The following PTHLH variants were observed in gnomAD, a reference collection of about 807,000 sequenced individuals.
The protein encoded by PTHLH is parathyroid hormone-related protein.
In PTHLH, 5 loss-of-function variants were observed where a neutral mutation model predicts 18.6. The observed-to-expected ratio is 0.27, with a 90% CI of 0.14 to 0.56. The LOEUF is 0.56. Ranked by LOEUF, PTHLH falls within the 20% of genes least tolerant of loss-of-function variation. The pLI is 0.92. For missense variants in PTHLH, 207 were observed against 223.9 expected (o/e 0.92, Z 0.48); for synonymous variants, 90 against 94.0 (o/e 0.96, Z 0.25).
intron 5 of PTHLH, among the ~76,000 whole-genome samples, chr12:27,959,886 C>T (rs139799359): frequency 6.6e-6 from 1 of 152,120 alleles, no homozygotes; most frequent in African/African-American, 2.4e-5. Flanking sequence ...ACTCAATAAT[C>T]TGCATTCTTT....
chr12:27,958,615 T>C lies in PTHLH; in HGVS notation c.525-47A>G, dbSNP rs573215722. On this transcript the variant is annotated intron_variant, in intron 5 of 5. Transcript: ENST00000545234. The stretch of plus-strand genomic sequence containing the variant: ...AGAAAAGGAGAAAACAGGTTAGTTT[T>C]CTTTACAAATGAAAACATAAAATAT... 1.1e-5 allele frequency: 16 copies of C among 1,522,678 alleles called. 1 individual carries two copies. In the South Asian group the frequency reaches 2.0e-4, roughly 19 times the overall value. 94.3% of individuals were successfully genotyped at this position (1,522,678 alleles called of 1,614,324 possible).
chr12:27,966,695 T>C (rs1209956978), intron 4 of PTHLH, among the ~76,000 whole-genome samples: 6 of 152,210 alleles, frequency 3.9e-5, no homozygotes, highest in African/African-American at 1.4e-4. Context: ...TTATGTATCA[T>C]GTTCTCCTTT....
At chr12:27,969,350 C>G (rs1469114507) in intron 4 of PTHLH, 44 bp downstream of exon 4, 1 of 1,525,688 alleles carries the variant, frequency 6.6e-7, no homozygotes, top group East Asian at 2.4e-5. Context: ...GCCCCTCCCC[C>G]TGGCCTCCCC....
chr12:27,961,951 T>C (rs755638234), intron 5 of PTHLH: 3 of 723,228 alleles, frequency 4.1e-6, no homozygotes, highest in East Asian at 2.5e-5. Flanking sequence ...TGATGTGTTC[T>C]TCTGTTGTTT....
intron 5 of PTHLH, among the ~76,000 whole-genome samples, chr12:27,959,684 C>T (rs1482747251): frequency 6.6e-6 from 1 of 152,148 alleles, no homozygotes; most frequent in Non-Finnish European, 1.5e-5. Context: ...TTCTATGCTG[C>T]TTACAGAAAA....
At position 27,970,158 on chromosome 12, in the gene PTHLH, G is replaced by T; in HGVS notation, c.-156C>A. The T allele has an allele frequency of 1.9e-6, 1 of 517,534 alleles. No homozygotes were observed. The highest frequency in any genetic ancestry group is 1.4e-5 in the South Asian group (1 of 71,580). The allele number at this position is 517,534 out of a possible 1,614,324, so 32.1% of individuals were successfully genotyped here. On this transcript the variant is annotated 5_prime_UTR_variant, in exon 3 of 6. In the 5' UTR this introduces an upstream ATG that the reference lacks. Transcript: ENST00000545234. The stretch of plus-strand genomic sequence containing the variant: ...GTCGTTAGTGGCAGCCGGAGCGGCA[G>T]GGAGGCGGCAGCCCCGCTTCACGGG...
intron 5 of PTHLH, among the ~76,000 whole-genome samples, chr12:27,961,361 C>T (rs1407595951): frequency 2.1e-5 from 2 of 93,938 alleles, no homozygotes; most frequent in Non-Finnish European, 4.6e-5. Flanking sequence ...ACATATCCCC[C>T]TAGATAGATA....
At chr12:27,961,964 C>CTTT in intron 5 of PTHLH, 2 of 546,946 alleles carry the variant, frequency 3.7e-6, no homozygotes, top group South Asian at 2.0e-5. Flanking sequence ...TGTTGTTTTC[C>CTTT]TTTTTTTTTT....
chr12:27,969,573 C>T, intron 3 of PTHLH, 57 bp from the exon 4 acceptor site: 1 of 1,349,420 alleles, frequency 7.4e-7, no homozygotes, highest in Non-Finnish European at 1.0e-6. Flanking sequence ...TCTCCCCGCA[C>T]TACTCCGCTC....
chr12:27,972,282 C>G (rs377272690), intron 1 of PTHLH, among the ~76,000 whole-genome samples: 3 of 152,160 alleles, frequency 2.0e-5, no homozygotes, highest in Non-Finnish European at 4.4e-5. Context: ...AAATTAAGGA[C>G]TGGCATCAAT....
At chr12:27,968,069 T>C (rs1268394574) in intron 4 of PTHLH, among the ~76,000 whole-genome samples, 1 of 152,224 alleles carries the variant, frequency 6.6e-6, no homozygotes, top group Non-Finnish European at 1.5e-5. Context: ...TTTCAAATTA[T>C]TGAATTTAAG....
At chr12:27,967,503 A>G (rs2062825725) in intron 4 of PTHLH, among the ~76,000 whole-genome samples, 1 of 152,242 alleles carries the variant, frequency 6.6e-6, no homozygotes, top group African/African-American at 2.4e-5. Context: ...GATTTAGCAT[A>G]ATGGTAGACT....
chr12:27,963,166 G>A, intron 5 of PTHLH, 182 bp downstream of exon 5: 2 of 1,488,072 alleles, frequency 1.3e-6, no homozygotes, highest in Non-Finnish European at 1.8e-6. Flanking sequence ...GGGTGTGTGT[G>A]GTAGGGGGGT....
At chr12:27,971,170 G>T (rs1187159346) in intron 2 of PTHLH, among the ~76,000 whole-genome samples, 1 of 151,940 alleles carries the variant, frequency 6.6e-6, no homozygotes, top group Non-Finnish European at 1.5e-5. Flanking sequence ...AAAGTCCCAG[G>T]TTACAGATTC....
At chr12:27,961,289 A>ATATATATATACG (rs1565520029) in intron 5 of PTHLH, among the ~76,000 whole-genome samples, 12 of 31,558 alleles carry the variant, frequency 3.8e-4, no homozygotes, top group African/African-American at 1.5e-3. Context: ...ATATATACGT[A>ATATATATATACG]TATATATATA....
intron 4 of PTHLH, among the ~76,000 whole-genome samples, chr12:27,967,774 C>T (rs904816892): frequency 7.9e-5 from 12 of 152,158 alleles, no homozygotes; most frequent in Admixed American, 4.6e-4. Flanking sequence ...ACAAACAAAA[C>T]TATAACAGTC....
chr12:27,971,532 C>G lies in PTHLH; in HGVS notation c.-266+395G>C, dbSNP rs956859656. On this transcript the variant is annotated intron_variant, in intron 2 of 5. Transcript: ENST00000545234. ...ATGATTCAAGGAATGTGGCCTTTAT[C>G]AAGCCCGACTTTCCGGGTGATGCTC... Among the ~76,000 whole-genome samples, 9 of 152,168 alleles carry G rather than the reference C, an allele frequency of 5.9e-5. No homozygotes were observed. The South Asian group carries it at 1.0e-3, about 18-fold the overall frequency.
chr12:27,968,749 A>T (rs543389628), intron 4 of PTHLH, among the ~76,000 whole-genome samples: 1 of 152,316 alleles, frequency 6.6e-6, no homozygotes, highest in Non-Finnish European at 1.5e-5. Context: ...TGTTAGCAAT[A>T]ACTCCAAGAA....
intron 3 of PTHLH, chr12:27,969,808 T>C: frequency 1.7e-6 from 1 of 581,074 alleles, no homozygotes; most frequent in Non-Finnish European, 3.3e-6. Flanking sequence ...AATGGTTTTA[T>C]ATATGCATCA....
Sources: allele counts gnomAD v4.1 joint callset (sites outside exome capture counted in the v4.1 genomes callset), GRCh38; gene constraint gnomAD v4.1.1; transcripts MANE v1.5; gene names NCBI Gene and HGNC (gene_info 2026-07-23, HGNC 2026-07-21).